The following PTGDR variants were observed in gnomAD, a reference collection of about 807,000 sequenced individuals.
The protein encoded by PTGDR is PGD2 receptor.
Under a neutral mutation model 17.4 loss-of-function variants are expected in PTGDR, and 19 were observed. The ratio of observed to expected loss-of-function variants is 1.09; its 90% CI spans 0.76 to 1.60. The LOEUF (loss-of-function observed/expected upper bound fraction) is 1.60. Among genes scored for constraint, PTGDR ranks in the 40% most tolerant of loss-of-function variants. PTGDR has a pLI of 0.00. For synonymous variants in PTGDR, 267 were observed against 224.2 expected (o/e 1.19, Z -1.71); for missense variants, 526 against 481.9 (o/e 1.09, Z -0.86).
rs201120911 is a variant in PTGDR, at chr14:52,275,029, A to T, written c.*65A>T. 448 of 644,522 alleles carry T rather than the reference A, an allele frequency of 7.0e-4. No homozygotes were observed. The highest frequency in any genetic ancestry group is 9.4e-4 in the Non-Finnish European group (422 of 448,428). 39.9% of individuals were successfully genotyped at this position (644,522 alleles called of 1,614,324 possible). A position where few individuals can be genotyped will look rare whatever the true frequency, so the allele number is the denominator to read the frequency against. On this transcript the variant is annotated 3_prime_UTR_variant, in exon 2 of 2. Coordinates refer to ENST00000306051, the MANE Select transcript of PTGDR (RefSeq NM_000953.3). ...CATTTTCAGTCAAAGAACCATGATT[A>T]AAAAAAAAAAGACAACTTACAATTT...
In PTGDR at chr14:52,267,925, C is replaced by T; in HGVS notation, c.111C>T (p.Ala37=). Reference sequence around the variant, plus strand: ...CCGGCCTCCTGGGCAACCTGCTGGCCCTGGGGCTGCTGGCGCGCTCGGGGC... The same window carrying T: ...CCGGCCTCCTGGGCAACCTGCTGGCTCTGGGGCTGCTGGCGCGCTCGGGGC... ...FSTGLLGNLL[A]LGLLARSGLG... Residue 37 remains alanine (A), a synonymous_variant, in exon 1 of 2, where the codon GCC becomes GCT. Coordinates refer to ENST00000306051, the MANE Select transcript of PTGDR (RefSeq NM_000953.3). 2 of 1,610,568 alleles carry T rather than the reference C, an allele frequency of 1.2e-6. No homozygotes were observed. The highest frequency in any genetic ancestry group is 1.7e-6 in the Non-Finnish European group (2 of 1,179,068).
At chr14:52,278,272 G>T (rs1027715496), downstream of PTGDR, among the ~76,000 whole-genome samples, 1 of 152,186 alleles carries the variant, frequency 6.6e-6, no homozygotes, top group Non-Finnish European at 1.5e-5. Flanking sequence ...ATACACCATG[G>T]AATACTATGC....
intron 1 of PTGDR, among the ~76,000 whole-genome samples, chr14:52,274,272 A>G (rs963911250): frequency 6.6e-6 from 1 of 152,240 alleles, no homozygotes; most frequent in African/African-American, 2.4e-5. Flanking sequence ...CACAGGTGTG[A>G]CTTATTTCTG....
Position 52,268,044 on chromosome 14 carries a change from G to A in PTGDR, c.230G>A (p.Cys77Tyr), listed in dbSNP as rs766336885. The A allele has an allele frequency of 1.9e-6, 3 of 1,612,060 alleles. No individual in the cohort carries two copies. Among genetic ancestry groups the A allele is most frequent in the South Asian group, 2.2e-5 (2 of 91,092 alleles). The stretch of plus-strand genomic sequence containing the variant: ...ACGGTCACCGACTTGCTGGGCAAGT[G>A]CCTCCTAAGCCCGGTGGTGCTGGCT... ...GLTVTDLLGK[C>Y]LLSPVVLAAY... is the part of the protein sequence containing the mutation. Residue 77 changes from cysteine to tyrosine, a missense_variant, in exon 1 of 2, where the codon TGC becomes TAC. Physicochemically the swap from Cys to Tyr is radical, Grantham distance 194. Coordinates refer to ENST00000306051, the MANE Select transcript of PTGDR (RefSeq NM_000953.3).
In PTGDR at chr14:52,267,871, G is replaced by A. The variant is rs759998843; in HGVS notation, c.57G>A (p.Ser19=). The stretch of plus-strand genomic sequence containing the variant: ...CCACCTCTGTGGAAAAAGGCAACTC[G>A]GCGGTGATGGGCGGGGTGCTCTTCA... ...QNTTSVEKGN[S]AVMGGVLFST... is the part of the protein sequence containing the mutation. Residue 19 remains serine (S), a synonymous_variant, in exon 1 of 2, where the codon TCG becomes TCA. Coordinates refer to ENST00000306051, the MANE Select transcript of PTGDR (RefSeq NM_000953.3). 6 of 1,602,016 alleles carry A rather than the reference G, an allele frequency of 3.7e-6. No individual in the cohort carries two copies. The highest frequency in any genetic ancestry group is 5.1e-6 in the Non-Finnish European group (6 of 1,173,522).
intron 1 of PTGDR, among the ~76,000 whole-genome samples, chr14:52,270,920 T>G (rs1170017842): frequency 1.3e-5 from 2 of 152,216 alleles, no homozygotes. Flanking sequence ...AGAAAATCAA[T>G]GGAGTTGAAA....
At chr14:52,278,862 GA>G (rs1170645545), downstream of PTGDR, among the ~76,000 whole-genome samples, 2 of 152,036 alleles carry the variant, frequency 1.3e-5, no homozygotes, top group African/African-American at 4.8e-5. Context: ...TATTGTCAAA[GA>G]TTATATTTAA....
chr14:52,277,504 T>C (rs1054093681), downstream of PTGDR, among the ~76,000 whole-genome samples: 5 of 152,334 alleles, frequency 3.3e-5, no homozygotes, highest in African/African-American at 1.2e-4. Flanking sequence ...AAAAAACCTA[T>C]GACTCTCAAT....
chr14:52,278,485 G>A (rs149452339), downstream of PTGDR, among the ~76,000 whole-genome samples: 593 of 152,274 alleles, frequency 3.9e-3, 2 homozygotes, highest in Middle Eastern at 0.017. Flanking sequence ...GGGGAGCTGG[G>A]AGAGATAGCA....
At chr14:52,269,376 T>C (rs2033282066) in intron 1 of PTGDR, 10 of 1,243,662 alleles carry the variant, frequency 8.0e-6, no homozygotes, top group Admixed American at 2.0e-5. Context: ...TGAGGTGACA[T>C]GAAAGCCATT....
chr14:52,273,321 T>C (rs2033357531), intron 1 of PTGDR, among the ~76,000 whole-genome samples: 2 of 152,160 alleles, frequency 1.3e-5, no homozygotes. Flanking sequence ...CCTGAAAATA[T>C]GTTATATGCC....
At position 52,268,048 on chromosome 14, in the gene PTGDR, C is replaced by G. The variant is rs2033239380; in HGVS notation, c.234C>G (p.Leu78=). ...LTVTDLLGKC[L]LSPVVLAAYA... is the part of the protein sequence containing the mutation. ...TCACCGACTTGCTGGGCAAGTGCCTCCTAAGCCCGGTGGTGCTGGCTGCCT... is the reference window on the plus strand; with the variant it reads ...TCACCGACTTGCTGGGCAAGTGCCTGCTAAGCCCGGTGGTGCTGGCTGCCT... Residue 78 remains leucine (L), a synonymous_variant, in exon 1 of 2, where the codon CTC becomes CTG. Coordinates refer to ENST00000306051, the MANE Select transcript of PTGDR (RefSeq NM_000953.3). 2.5e-6 allele frequency: 4 copies of G among 1,612,374 alleles called. No individual in the cohort carries two copies. Among genetic ancestry groups the G allele is most frequent in the Non-Finnish European group, 3.4e-6 (4 of 1,180,044 alleles).
downstream of PTGDR, among the ~76,000 whole-genome samples, chr14:52,280,184 G>A (rs1211451964): frequency 6.6e-6 from 1 of 152,156 alleles, no homozygotes; most frequent in Non-Finnish European, 1.5e-5. Flanking sequence ...AAAGTTGGTA[G>A]CTTGCCAGCA....
In PTGDR at chr14:52,267,907, C is replaced by T; in HGVS notation, c.93C>T (p.Leu31=). 1 of 1,610,098 alleles carries T rather than the reference C, an allele frequency of 6.2e-7. No homozygotes were observed. Among genetic ancestry groups the T allele is most frequent in the Non-Finnish European group, 8.5e-7 (1 of 1,178,572 alleles). ...VMGGVLFSTG[L]LGNLLALGLL... ...GCGGGGTGCTCTTCAGCACCGGCCT[C>T]CTGGGCAACCTGCTGGCCCTGGGGC... The change falls in exon 1 of 2, where the codon CTC becomes CTT. Residue 31 remains leucine, a synonymous_variant. Coordinates refer to ENST00000306051, the MANE Select transcript of PTGDR (RefSeq NM_000953.3).
chr14:52,276,978 T>C (rs1364857018), downstream of PTGDR, among the ~76,000 whole-genome samples: 1 of 152,238 alleles, frequency 6.6e-6, no homozygotes, highest in Non-Finnish European at 1.5e-5. Context: ...TTTTGTTTCA[T>C]ACAAAATGTA....
Position 52,268,600 on chromosome 14 carries a change from T to G in PTGDR, c.786T>G (p.Asp262Glu). The G allele has an allele frequency of 3.1e-6, 5 of 1,610,074 alleles. No individual in the cohort carries two copies. The highest frequency in any genetic ancestry group is 4.2e-6 in the Non-Finnish European group (5 of 1,178,434). ...CCCCTCAGCCCCTGGAGGAGCTGGA[T>G]CACCTCCTGCTGCTGGCGCTGATGA... ...EASPQPLEEL[D>E]HLLLLALMTV... Residue 262 changes from aspartate (D) to glutamate (E), a missense_variant, in exon 1 of 2, where the codon GAT (aspartate) becomes GAG (glutamate). Coordinates refer to ENST00000306051, the MANE Select transcript of PTGDR (RefSeq NM_000953.3).
downstream of PTGDR, among the ~76,000 whole-genome samples, chr14:52,278,183 C>T (rs41315128): frequency 0.21 from 31,566 of 152,174 alleles, 3,936 homozygotes; most frequent in Middle Eastern, 0.33. Context: ...TTTATAGTGG[C>T]ACTATTCACA....
At position 52,274,849 on chromosome 14, in the gene PTGDR, T is replaced by A. The variant is rs1248544725; in HGVS notation, c.965T>A (p.Ile322Asn). ...GTGATTTCAATTGTGGACCCTTGGA[T>A]TTTTATCATTTTCAGATCTCCAGTA... ...LSVISIVDPW[I>N]FIIFRSPVFR... The change falls in exon 2 of 2, where the codon ATT (isoleucine) becomes AAT (asparagine). Residue 322 changes from isoleucine to asparagine, a missense_variant. Transcript: ENST00000306051. The A allele has an allele frequency of 1.2e-6, 2 of 1,609,916 alleles. No individual in the cohort carries two copies. Among genetic ancestry groups the A allele is most frequent in the Non-Finnish European group, 1.7e-6 (2 of 1,176,272 alleles).
At chr14:52,272,542 C>T (rs912724724) in intron 1 of PTGDR, among the ~76,000 whole-genome samples, 3 of 152,050 alleles carry the variant, frequency 2.0e-5, no homozygotes, top group African/African-American at 7.3e-5. Flanking sequence ...GAAGAACGCC[C>T]TCTGATGGAG....
Sources: gnomAD v4.1 joint callset for allele counts (sites outside exome capture counted in the v4.1 genomes callset) on GRCh38, gnomAD v4.1.1 for gene constraint, MANE v1.5 for transcripts, NCBI Gene and HGNC (gene_info 2026-07-23, HGNC 2026-07-21) for gene names.